ENOX1: variants seen among roughly 807,000 people sequenced by gnomAD.
ENOX1 encodes ecto-NOX disulfide-thiol exchanger 1, also known as candidate growth-related and time keeping constitutive hydroquinone (NADH) oxidase.
ENOX1 carries 42 observed loss-of-function variants against 82.5 expected under a neutral mutation model. The observed-to-expected ratio is 0.51, with a 90% CI of 0.40 to 0.66. The LOEUF (loss-of-function observed/expected upper bound fraction) is 0.66. Ranked by LOEUF, ENOX1 falls within the 30% of genes least tolerant of loss-of-function variation. The pLI, the probability that ENOX1 is intolerant of heterozygous loss-of-function variation, is 0.00. For missense variants in ENOX1, 608 were observed against 811.6 expected, an observed-to-expected ratio of 0.75 and a Z score of 3.05; for synonymous variants, 271 against 282.2, an observed-to-expected ratio of 0.96 and a Z score of 0.40.
chr13:43,265,570 A>G, intron 13 of ENOX1, 116 bp from the exon 14 acceptor site: 1 of 829,942 alleles, frequency 1.2e-6, no homozygotes, highest in African/African-American at 1.7e-5. Context: ...AAAACTTCCA[A>G]TGAGATAAAA....
At chr13:43,476,028 CA>C (rs2153651995) in intron 3 of ENOX1, among the ~76,000 whole-genome samples, 1 of 152,104 alleles carries the variant, frequency 6.6e-6, no homozygotes, top group South Asian at 2.1e-4. Context: ...CCTCAGTTTT[CA>C]ATTACAGGAG....
At chr13:43,390,546 G>A (rs1038808407) in intron 5 of ENOX1, among the ~76,000 whole-genome samples, 1 of 152,024 alleles carries the variant, frequency 6.6e-6, no homozygotes, top group African/African-American at 2.4e-5. Context: ...TTCTGTCTCA[G>A]TTTCACCATC....
intron 1 of ENOX1, among the ~76,000 whole-genome samples, chr13:43,710,717 T>C (rs1049491389): frequency 6.6e-6 from 1 of 151,988 alleles, no homozygotes. Flanking sequence ...TAGATAAGAA[T>C]TAACAGAATC....
chr13:43,657,608 TGGA>T (rs1415797607), intron 2 of ENOX1, among the ~76,000 whole-genome samples: 1 of 152,196 alleles, frequency 6.6e-6, no homozygotes, highest in Non-Finnish European at 1.5e-5. Flanking sequence ...ATGTAGCTGC[TGGA>T]GGAGGTTTCA....
chr13:43,529,598 G>A (rs575771420), intron 2 of ENOX1, among the ~76,000 whole-genome samples: 1 of 152,182 alleles, frequency 6.6e-6, no homozygotes, highest in Admixed American at 6.6e-5. Context: ...TGTGTGATAA[G>A]TGCTTACTTA....
At chr13:43,382,817 A>C (rs1439208102) in intron 5 of ENOX1, among the ~76,000 whole-genome samples, 1 of 152,180 alleles carries the variant, frequency 6.6e-6, no homozygotes, top group Admixed American at 6.5e-5. Flanking sequence ...AATATAACAG[A>C]TACTTTAGGT....
intron 2 of ENOX1, among the ~76,000 whole-genome samples, chr13:43,637,742 C>G (rs1428766715): frequency 6.6e-6 from 1 of 152,078 alleles, no homozygotes; most frequent in East Asian, 1.9e-4. Context: ...ATGCCTCCCC[C>G]ACTATTAAAA....
At chr13:43,439,506 T>G (rs1326071091) in intron 3 of ENOX1, among the ~76,000 whole-genome samples, 2 of 152,156 alleles carry the variant, frequency 1.3e-5, no homozygotes, top group African/African-American at 2.4e-5. Context: ...GGCCTTCCTA[T>G]CTTCTAATCT....
intron 12 of ENOX1, among the ~76,000 whole-genome samples, chr13:43,270,371 C>T (rs748851823): frequency 7.2e-5 from 11 of 152,194 alleles, no homozygotes; most frequent in Non-Finnish European, 1.6e-4. Context: ...TTCTTGACAA[C>T]AAAGGACTGG....
chr13:43,222,330 C>T (rs1007299688), intron 16 of ENOX1, among the ~76,000 whole-genome samples: 1 of 150,756 alleles, frequency 6.6e-6, no homozygotes, highest in African/African-American at 2.4e-5. Context: ...CCAGCCAAAA[C>T]AAATCAATTC....
chr13:43,320,292 T>C (rs2047731096), intron 11 of ENOX1, among the ~76,000 whole-genome samples: 3 of 152,226 alleles, frequency 2.0e-5, no homozygotes, highest in African/African-American at 7.2e-5. Flanking sequence ...GGGCCTGGCA[T>C]TTGAACTCCG....
chr13:43,755,575 A>G (rs2153833114), intron 1 of ENOX1, among the ~76,000 whole-genome samples: 1 of 152,288 alleles, frequency 6.6e-6, no homozygotes, highest in African/African-American at 2.4e-5. Context: ...ATACATGTTG[A>G]CGGTATAAAA....
intron 1 of ENOX1, among the ~76,000 whole-genome samples, chr13:43,694,362 T>A (rs976229225): frequency 7.9e-5 from 12 of 152,194 alleles, no homozygotes; most frequent in African/African-American, 2.9e-4. Context: ...TCAGCTCTTA[T>A]GAAAAATAAT....
At chr13:43,593,669 TACACACACAC>T (rs58120566) in intron 2 of ENOX1, among the ~76,000 whole-genome samples, 21,249 of 69,030 alleles carry the variant, frequency 0.31, 5,342 homozygotes, top group Non-Finnish European at 0.39. Flanking sequence ...CCAATCTCTG[TACACACACAC>T]ACACACACAC....
chr13:43,248,180 C>T lies in ENOX1; in HGVS notation c.1612-11442G>A, dbSNP rs537531326. On this transcript the variant is annotated intron_variant, in intron 14 of 16. Transcript: ENST00000690772. The stretch of plus-strand genomic sequence containing the variant: ...GATTACAGGCGTGAGCCACCGCGCC[C>T]GGCCGCAACTTATATTTTTAAAAGA... Among the ~76,000 whole-genome samples, 103 of 151,768 alleles carry T rather than the reference C, an allele frequency of 6.8e-4. 1 individual carries two copies. Among genetic ancestry groups the T allele is most frequent in the African/African-American group, 2.3e-3 (97 of 41,392 alleles).
At chr13:43,517,635 T>TA (rs1433596450) in intron 2 of ENOX1, among the ~76,000 whole-genome samples, 2 of 152,184 alleles carry the variant, frequency 1.3e-5, no homozygotes, top group Non-Finnish European at 2.9e-5. Context: ...CCTCTGCCTA[T>TA]GGTCACAGGT....
intron 11 of ENOX1, among the ~76,000 whole-genome samples, chr13:43,319,567 C>A (rs573144625): frequency 6.6e-6 from 1 of 152,238 alleles, no homozygotes; most frequent in African/African-American, 2.4e-5. Flanking sequence ...TCCCTGCCCC[C>A]CAAAATAAAA....
chr13:43,746,679 G>A (rs77628648), intron 1 of ENOX1, among the ~76,000 whole-genome samples: 2,229 of 151,614 alleles, frequency 0.015, 50 homozygotes, highest in African/African-American at 0.05. Context: ...AAAGAGAGAA[G>A]AAAGTAAGTA....
intron 1 of ENOX1, among the ~76,000 whole-genome samples, chr13:43,669,648 T>A (rs945072674): frequency 1.3e-5 from 2 of 152,138 alleles, no homozygotes; most frequent in Non-Finnish European, 2.9e-5. Context: ...CCCTCTTCTA[T>A]CCTCTCTTTT....
Sources: gnomAD v4.1 joint callset for allele counts (sites outside exome capture counted in the v4.1 genomes callset) on GRCh38, gnomAD v4.1.1 for gene constraint, MANE v1.5 for transcripts, NCBI Gene and HGNC (gene_info 2026-07-23, HGNC 2026-07-21) for gene names.